Variants in ESRRG observed in about 807,000 individuals in gnomAD.
ESRRG encodes estrogen-related receptor gamma.
Under a neutral mutation model 44.0 loss-of-function variants are expected in ESRRG, and 13 were observed. The observed-to-expected ratio is 0.30, with a 90% CI of 0.19 to 0.47. ESRRG has a LOEUF of 0.47. Among genes scored for constraint, ESRRG ranks in the 20% least tolerant of loss-of-function variants. The pLI is 1.00. For missense variants in ESRRG, 395 were observed against 580.6 expected (o/e 0.68, Z 3.29); for synonymous variants, 215 against 214.6 (o/e 1.00, Z -0.02).
intron 3 of ESRRG, among the ~76,000 whole-genome samples, chr1:216,646,131 C>CTCTGCTTGGGTTAT (rs1487774926): frequency 2.0e-5 from 3 of 151,912 alleles, no homozygotes; most frequent in Non-Finnish European, 4.4e-5. Flanking sequence ...TAGTGAAAAC[C>CTCTGCTTGGGTTAT]TCTGCTTGGG....
chr1:216,615,040 A>G (rs2061225227), intron 3 of ESRRG, among the ~76,000 whole-genome samples: 1 of 152,160 alleles, frequency 6.6e-6, no homozygotes, highest in Non-Finnish European at 1.5e-5. Flanking sequence ...AATTCAAGAG[A>G]CTGATTGAAG....
intron 6 of ESRRG, among the ~76,000 whole-genome samples, chr1:216,514,606 G>C (rs988731681): frequency 6.6e-6 from 1 of 151,982 alleles, no homozygotes. Context: ...AATTGTAATG[G>C]GTAAAGTCTT....
chr1:217,065,927 G>C (rs1322320057), intron 1 of ESRRG, among the ~76,000 whole-genome samples: 1 of 152,124 alleles, frequency 6.6e-6, no homozygotes, highest in Admixed American at 6.5e-5. Context: ...TGTTGTCATT[G>C]CCCTGTTCCT....
chr1:216,806,799 C>T (rs547589330), intron 2 of ESRRG, among the ~76,000 whole-genome samples: 200 of 152,228 alleles, frequency 1.3e-3, no homozygotes, highest in African/African-American at 4.8e-3. Context: ...GGACAGTGTT[C>T]GGCTGCCCTG....
chr1:216,732,154 A>G (rs1351619995), intron 2 of ESRRG, among the ~76,000 whole-genome samples: 1 of 152,014 alleles, frequency 6.6e-6, no homozygotes, highest in African/African-American at 2.4e-5. Context: ...CAACATAAAA[A>G]AAAAAAGAAG....
chr1:217,098,386 C>A (rs746865628), intron 1 of ESRRG, among the ~76,000 whole-genome samples: 2 of 152,166 alleles, frequency 1.3e-5, no homozygotes, highest in Non-Finnish European at 2.9e-5. Flanking sequence ...AACAAGCCTG[C>A]ATAGCTGGCA....
chr1:216,708,525 C>T (rs188575365), intron 1 of ESRRG, among the ~76,000 whole-genome samples: 6 of 152,188 alleles, frequency 3.9e-5, no homozygotes, highest in East Asian at 3.9e-4. Flanking sequence ...TACCATCTCA[C>T]GCCAGCTACA....
At chr1:217,011,250 T>C (rs552336306) in intron 1 of ESRRG, among the ~76,000 whole-genome samples, 1 of 152,224 alleles carries the variant, frequency 6.6e-6, no homozygotes, top group East Asian at 1.9e-4. Flanking sequence ...AAAATCAGTC[T>C]TCCAAACCTG....
chr1:216,706,830 A>G (rs1000705518), intron 1 of ESRRG, among the ~76,000 whole-genome samples: 2 of 152,232 alleles, frequency 1.3e-5, no homozygotes. Context: ...GTGAAAGACA[A>G]TAATTTTAAT....
chr1:216,966,239 C>A (rs1430978677), intron 1 of ESRRG, among the ~76,000 whole-genome samples: 1 of 152,166 alleles, frequency 6.6e-6, no homozygotes, highest in Non-Finnish European at 1.5e-5. Context: ...CCACAGAAAT[C>A]TCATCTTAAG....
chr1:216,513,300 AG>A (rs1208734725), intron 6 of ESRRG, among the ~76,000 whole-genome samples: 2 of 152,234 alleles, frequency 1.3e-5, no homozygotes, highest in South Asian at 2.1e-4. Context: ...CTGTAGAAAC[AG>A]GTGGCAGAAA....
intron 2 of ESRRG, among the ~76,000 whole-genome samples, chr1:216,850,935 A>G (rs1559865520): frequency 6.6e-6 from 1 of 151,454 alleles, no homozygotes; most frequent in Non-Finnish European, 1.5e-5. Context: ...AGTGCTGATA[A>G]ATGTTTTATC....
intron 2 of ESRRG, among the ~76,000 whole-genome samples, chr1:216,879,969 G>A (rs2096416875): frequency 6.6e-6 from 1 of 152,134 alleles, no homozygotes; most frequent in East Asian, 1.9e-4. Context: ...TTGACAAGGT[G>A]TGTATTTATT....
intron 2 of ESRRG, among the ~76,000 whole-genome samples, chr1:216,735,868 A>G (rs2089766224): frequency 6.6e-6 from 1 of 150,880 alleles, no homozygotes; most frequent in South Asian, 2.1e-4. Flanking sequence ...AATCCCAACT[A>G]CTCGGGAGGC....
intron 2 of ESRRG, among the ~76,000 whole-genome samples, chr1:216,806,342 C>T (rs1371131834): frequency 6.6e-6 from 1 of 152,136 alleles, no homozygotes; most frequent in Admixed American, 6.6e-5. Flanking sequence ...TTTGAAATGT[C>T]ATGTTGCTGC....
At chr1:216,801,288 C>T (rs183273533) in intron 2 of ESRRG, among the ~76,000 whole-genome samples, 3 of 152,102 alleles carry the variant, frequency 2.0e-5, no homozygotes, top group Non-Finnish European at 2.9e-5. Context: ...AGGCTGGACT[C>T]GAACCCCTGT....
chr1:216,706,684 G>A (rs1160041686), intron 1 of ESRRG, among the ~76,000 whole-genome samples: 2 of 152,110 alleles, frequency 1.3e-5, no homozygotes, highest in African/African-American at 2.4e-5. Context: ...AAACTCTCTC[G>A]AGATATTTCT....
intron 2 of ESRRG, among the ~76,000 whole-genome samples, chr1:216,657,145 G>A (rs957319446): frequency 2.0e-5 from 3 of 151,574 alleles, no homozygotes; most frequent in African/African-American, 4.8e-5. Flanking sequence ...TCAATGCTTC[G>A]TTTCTAGCTA....
At chr1:216,627,940 A>G in intron 3 of ESRRG, among the ~76,000 whole-genome samples, 1 of 152,330 alleles carries the variant, frequency 6.6e-6, no homozygotes, top group South Asian at 2.1e-4. Flanking sequence ...AATTAATTTC[A>G]TCACAAAGGC....
Sources: allele counts gnomAD v4.1 joint callset (sites outside exome capture counted in the v4.1 genomes callset), GRCh38; gene constraint gnomAD v4.1.1; transcripts MANE v1.5; gene names NCBI Gene and HGNC (gene_info 2026-07-23, HGNC 2026-07-21).